Variants in ADK observed in about 807,000 individuals in gnomAD.
The protein encoded by ADK is adenosine kinase, also known as N6,N6-dimethyladenosine kinase.
ADK carries 24 observed loss-of-function variants against 44.7 expected under a neutral mutation model. The ratio of observed to expected loss-of-function variants is 0.54; its 90% CI spans 0.39 to 0.76. The LOEUF is 0.76. Among genes scored for constraint, ADK ranks in the 30% least tolerant of loss-of-function variants. The pLI is 0.00. For synonymous variants in ADK, 128 were observed against 142.6 expected (o/e 0.90, Z 0.73); for missense variants, 321 against 425.1 (o/e 0.76, Z 2.15).
intron 3 of ADK, among the ~76,000 whole-genome samples, chr10:74,283,966 C>T (rs1847054009): frequency 6.7e-6 from 1 of 149,546 alleles, no homozygotes; most frequent in South Asian, 2.1e-4. Context: ...AGGCATGAGC[C>T]ACTGCGCCCA....
chr10:74,191,128 C>T (rs2132118352), intron 1 of ADK, among the ~76,000 whole-genome samples: 1 of 152,032 alleles, frequency 6.6e-6, no homozygotes, highest in Non-Finnish European at 1.5e-5. Context: ...TTATAGGCAC[C>T]TGCCACCATG....
chr10:74,593,023 A>C (rs1851775202), intron 8 of ADK, among the ~76,000 whole-genome samples: 1 of 152,226 alleles, frequency 6.6e-6, no homozygotes, highest in Non-Finnish European at 1.5e-5. Flanking sequence ...GCATGGATAG[A>C]AAGTCTACAG....
chr10:74,294,292 T>C (rs11000966), intron 3 of ADK, among the ~76,000 whole-genome samples: 95,992 of 150,150 alleles, frequency 0.64, 31,859 homozygotes, highest in Middle Eastern at 0.79. Flanking sequence ...TTCTTTCTTT[T>C]TTTTTTTTTT....
chr10:74,258,947 G>GTTTTTTTTTTTTTTTTTTTTTT (rs141424052), intron 3 of ADK, among the ~76,000 whole-genome samples: 1 of 96,128 alleles, frequency 1.0e-5, no homozygotes, highest in Non-Finnish European at 2.1e-5. Context: ...TTGTTTTTGT[G>GTTTTTTTTTTTTTTTTTTTTTT]TTTTTTTTTT....
chr10:74,303,588 G>GTTGTGTTTTTTTT (rs1840139803), intron 3 of ADK, among the ~76,000 whole-genome samples: 1 of 68,576 alleles, frequency 1.5e-5, no homozygotes, highest in African/African-American at 7.9e-5. Flanking sequence ...TTTTAATGTT[G>GTTGTGTTTTTTTT]TTTTTTTTTT....
At chr10:74,510,441 A>G (rs1212860983) in intron 6 of ADK, among the ~76,000 whole-genome samples, 1 of 152,056 alleles carries the variant, frequency 6.6e-6, no homozygotes, top group African/African-American at 2.4e-5. Flanking sequence ...AGTTCCTTGT[A>G]TATTCTTAGT....
intron 3 of ADK, among the ~76,000 whole-genome samples, chr10:74,231,068 GT>G (rs1368330572): frequency 6.6e-6 from 1 of 152,048 alleles, no homozygotes; most frequent in Non-Finnish European, 1.5e-5. Context: ...AATTAAATCA[GT>G]TTCACAGTAT....
At chr10:74,697,340 C>A (rs1017684208) in intron 10 of ADK, among the ~76,000 whole-genome samples, 1 of 152,090 alleles carries the variant, frequency 6.6e-6, no homozygotes, top group Non-Finnish European at 1.5e-5. Context: ...GGGGTTCAGA[C>A]CAGCTGGGCC....
intron 9 of ADK, among the ~76,000 whole-genome samples, chr10:74,604,384 G>A (rs1287261047): frequency 6.6e-6 from 1 of 152,104 alleles, no homozygotes; most frequent in African/African-American, 2.4e-5. Flanking sequence ...ATGGTTTTAT[G>A]TTTTATGTTT....
intron 7 of ADK, among the ~76,000 whole-genome samples, chr10:74,548,452 G>A (rs1039949196): frequency 2.0e-5 from 3 of 152,092 alleles, no homozygotes; most frequent in Non-Finnish European, 4.4e-5. Context: ...AAAAATACAG[G>A]ATGCCCATTT....
At chr10:74,580,999 A>G (rs1391189955) in intron 7 of ADK, among the ~76,000 whole-genome samples, 1 of 147,238 alleles carries the variant, frequency 6.8e-6, no homozygotes, top group East Asian at 2.0e-4. Flanking sequence ...GCAAGACCCT[A>G]TCTCAGTCAA....
chr10:74,665,630 G>A (rs1041463726), intron 9 of ADK, among the ~76,000 whole-genome samples: 2 of 152,088 alleles, frequency 1.3e-5, no homozygotes, highest in African/African-American at 2.4e-5. Context: ...AGCTGCTCAG[G>A]AGGCTGAGGC....
intron 2 of ADK, among the ~76,000 whole-genome samples, chr10:74,210,330 G>GAAAAAAAAAAA (rs57852507): frequency 4.7e-5 from 4 of 84,910 alleles, no homozygotes; most frequent in Non-Finnish European, 8.7e-5. Context: ...TCCATCTCAG[G>GAAAAAAAAAAA]AAAAAAAAAA....
chr10:74,243,464 A>G (rs542175029), intron 3 of ADK, among the ~76,000 whole-genome samples: 31 of 152,294 alleles, frequency 2.0e-4, no homozygotes, highest in African/African-American at 6.3e-4. Flanking sequence ...ATTCCTTTCC[A>G]TAGGTATTAT....
chr10:74,281,152 A>G (rs1011053610), intron 3 of ADK, among the ~76,000 whole-genome samples: 1 of 152,246 alleles, frequency 6.6e-6, no homozygotes, highest in African/African-American at 2.4e-5. Flanking sequence ...AATGGCTGTT[A>G]TGTGTTATAC....
At chr10:74,664,445 AG>A (rs1016612196) in intron 9 of ADK, among the ~76,000 whole-genome samples, 1 of 152,246 alleles carries the variant, frequency 6.6e-6, no homozygotes, top group African/African-American at 2.4e-5. Flanking sequence ...GGCAGAGATG[AG>A]GAGAGGGAGA....
chr10:74,260,903 G>A (rs191931351), intron 3 of ADK, among the ~76,000 whole-genome samples: 16 of 152,146 alleles, frequency 1.1e-4, no homozygotes, highest in East Asian at 3.9e-4. Context: ...CTCCAGAAGC[G>A]GCAACTTATA....
chr10:74,217,755 C>G (rs2132218372), intron 2 of ADK, among the ~76,000 whole-genome samples: 1 of 152,304 alleles, frequency 6.6e-6, no homozygotes, highest in South Asian at 2.1e-4. Flanking sequence ...GATACCCAGG[C>G]AAACAGGGTC....
chr10:74,218,281 G>A (rs1316148390), intron 2 of ADK, among the ~76,000 whole-genome samples: 1 of 152,154 alleles, frequency 6.6e-6, no homozygotes, highest in African/African-American at 2.4e-5. Context: ...AATGGAAGAT[G>A]AAATGAGTGA....
Sources: allele counts gnomAD v4.1 joint callset (sites outside exome capture counted in the v4.1 genomes callset), GRCh38; gene constraint gnomAD v4.1.1; transcripts MANE v1.5; gene names NCBI Gene and HGNC (gene_info 2026-07-23, HGNC 2026-07-21).